MTUS1: variants seen among roughly 807,000 people sequenced by gnomAD.
MTUS1 encodes microtubule associated scaffold protein 1.
Under a neutral mutation model 120.8 loss-of-function variants are expected in MTUS1, and 109 were observed. The observed-to-expected ratio is 0.90, with a 90% CI of 0.77 to 1.06. The LOEUF (loss-of-function observed/expected upper bound fraction) is 1.06, where lower values mean the gene tolerates loss of function less well. MTUS1 is among the 50% of genes least tolerant of loss of function. MTUS1 has a pLI of 0.00. For synonymous variants in MTUS1, 737 were observed against 550.5 expected (o/e 1.34, Z -4.74); for missense variants, 2,210 against 1,486.3 (o/e 1.49, Z -8.01).
chr8:17,769,036 T>C (rs983873010), intron 1 of MTUS1, among the ~76,000 whole-genome samples: 4 of 152,112 alleles, frequency 2.6e-5, no homozygotes, highest in Non-Finnish European at 4.4e-5. Context: ...TAACTCACAC[T>C]ATGCAATTAA....
chr8:17,774,719 C>A (rs183758541), intron 1 of MTUS1, among the ~76,000 whole-genome samples: 2 of 152,158 alleles, frequency 1.3e-5, no homozygotes, highest in Non-Finnish European at 2.9e-5. Flanking sequence ...GCCATATGAT[C>A]AAGCATTCCA....
At chr8:17,655,670 G>T (rs1314188527) in intron 9 of MTUS1, among the ~76,000 whole-genome samples, 193 bp downstream of exon 9, 1 of 152,116 alleles carries the variant, frequency 6.6e-6, no homozygotes, top group Non-Finnish European at 1.5e-5. Context: ...GCTGCAGTGA[G>T]CCAAGATCAA....
At position 17,688,934 on chromosome 8, in the gene MTUS1, G is replaced by A. The variant is rs1196889850; in HGVS notation, c.2624-4392C>T. Among the ~76,000 whole-genome samples, 7 of 152,048 alleles carry A rather than the reference G, an allele frequency of 4.6e-5. No individual in the cohort carries two copies. In the South Asian group the frequency reaches 6.2e-4, roughly 14 times the overall value. On this transcript the variant is annotated intron_variant, in intron 6 of 14. Coordinates refer to ENST00000693296, the MANE Select transcript of MTUS1 (RefSeq NM_001363059.2). Reference sequence around the variant, plus strand: ...CATTTAGAATTACCCAAGCCAGGCCGGGTGCGGTGGCTCACACCTGTAATC... The same window carrying A: ...CATTTAGAATTACCCAAGCCAGGCCAGGTGCGGTGGCTCACACCTGTAATC...
intron 7 of MTUS1, among the ~76,000 whole-genome samples, chr8:17,677,324 C>G (rs1033308516): frequency 1.3e-5 from 2 of 152,072 alleles, no homozygotes; most frequent in African/African-American, 4.8e-5. Flanking sequence ...ACTCAAGTAA[C>G]AGGAAAAACA....
At chr8:17,725,624 C>T (rs2046177070) in intron 3 of MTUS1, among the ~76,000 whole-genome samples, 1 of 152,164 alleles carries the variant, frequency 6.6e-6, no homozygotes, top group Non-Finnish European at 1.5e-5. Flanking sequence ...CCTTCCAACT[C>T]CATCATGTTA....
chr8:17,657,072 A>AT lies in MTUS1; in HGVS notation c.2906-1008_2906-1007insA, dbSNP rs1236071877. The stretch of plus-strand genomic sequence containing the variant: ...AGATTCTGTCTCAAAAAAAAAAAAA[A>AT]AAAAAAAAAGAAACAAGTGGACCTT... On this transcript the variant is annotated intron_variant, in intron 8 of 14. Coordinates refer to ENST00000693296, the MANE Select transcript of MTUS1 (RefSeq NM_001363059.2). Among the ~76,000 whole-genome samples the AT allele has an allele frequency of 2.3e-3, 350 of 150,972 alleles. 2 individuals carry two copies. Among genetic ancestry groups the AT allele is most frequent in the African/African-American group, 8.2e-3 (339 of 41,280 alleles).
intron 1 of MTUS1, among the ~76,000 whole-genome samples, chr8:17,797,685 T>C (rs75131388): frequency 0.018 from 2,800 of 152,268 alleles, 70 homozygotes; most frequent in African/African-American, 0.064. Flanking sequence ...GCCTGCCTTC[T>C]TCCAGAGAAA....
At chr8:17,684,209 T>A in intron 7 of MTUS1, 119 bp downstream of exon 7, 1 of 724,212 alleles carries the variant, frequency 1.4e-6, no homozygotes. Flanking sequence ...ATGGGATGAA[T>A]GACACCTGAT....
chr8:17,701,600 T>TGCAGTGGCGTGATCTCGGC (rs1368297696), intron 6 of MTUS1, among the ~76,000 whole-genome samples: 1 of 152,036 alleles, frequency 6.6e-6, no homozygotes, highest in Non-Finnish European at 1.5e-5. Flanking sequence ...AAGGCTGGAG[T>TGCAGTGGCGTGATCTCGGC]GCAGTGGCGT....
intron 6 of MTUS1, among the ~76,000 whole-genome samples, chr8:17,709,492 G>A (rs547685255): frequency 1.6e-4 from 24 of 151,888 alleles, no homozygotes; most frequent in African/African-American, 4.8e-4. Flanking sequence ...CTCATTCTTC[G>A]CTCAGGACTG....
rs192293181 is a variant in MTUS1 at position 17,658,876 on chromosome 8, T to G, written c.2906-2811A>C. Among the ~76,000 whole-genome samples, 229 of 152,124 alleles carry G rather than the reference T, an allele frequency of 1.5e-3. 1 individual carries two copies. The highest frequency in any genetic ancestry group is 4.4e-3 in the African/African-American group (183 of 41,506). On this transcript the variant is annotated intron_variant, in intron 8 of 14. Transcript: ENST00000693296. ...TCTTTCAGAGGAAAAGGAGGCCACATTGAAATAATGGCAGGAATAGTGTCT... is the reference window on the plus strand; with the variant it reads ...TCTTTCAGAGGAAAAGGAGGCCACAGTGAAATAATGGCAGGAATAGTGTCT...
intron 12 of MTUS1, 25 bp from the exon 13 acceptor site, chr8:17,649,987 G>A: frequency 1.7e-6 from 2 of 1,148,106 alleles, no homozygotes; most frequent in Admixed American, 1.7e-5. Context: ...GCAAGATACT[G>A]CTCTTATTCC....
chr8:17,649,802 T>C (rs1806591039), intron 13 of MTUS1, 44 bp downstream of exon 13: 1 of 1,077,492 alleles, frequency 9.3e-7, no homozygotes. Context: ...TTCACACATA[T>C]TACCCCATTT....
chr8:17,690,994 TCATTACATTA>T (rs1816831732), intron 6 of MTUS1, among the ~76,000 whole-genome samples: 1 of 108,344 alleles, frequency 9.2e-6, no homozygotes, highest in South Asian at 3.3e-4. Flanking sequence ...ATAAAAAGCA[TCATTACATTA>T]ATTTATAGGG....
intron 3 of MTUS1, among the ~76,000 whole-genome samples, chr8:17,726,389 C>T (rs990627861): frequency 2.6e-5 from 4 of 152,192 alleles, no homozygotes; most frequent in Non-Finnish European, 5.9e-5. Context: ...TTTGCCTCCA[C>T]ATTCTTCTTG....
intron 5 of MTUS1, among the ~76,000 whole-genome samples, chr8:17,714,894 CTTTTTTTTTT>C (rs34479493): frequency 1.4e-3 from 79 of 55,192 alleles, no homozygotes; most frequent in East Asian, 1.4e-3. Context: ...ACAAATAATG[CTTTTTTTTTT>C]TTTTTTTTTT....
At chr8:17,756,679 C>CTTATGTAACCA (rs1554526183) in intron 1 of MTUS1, among the ~76,000 whole-genome samples, 1 of 123,454 alleles carries the variant, frequency 8.1e-6, no homozygotes, top group Admixed American at 9.0e-5. Context: ...AAACCCCCAC[C>CTTATGTAACCA]CCTTATGTAA....
chr8:17,786,202 C>A (rs1013063674), intron 1 of MTUS1, among the ~76,000 whole-genome samples: 1 of 152,052 alleles, frequency 6.6e-6, no homozygotes, highest in African/African-American at 2.4e-5. Flanking sequence ...GTATTCTGAC[C>A]CTTCTTGCAA....
At chr8:17,672,238 T>G (rs1283395575) in intron 8 of MTUS1, among the ~76,000 whole-genome samples, 1 of 152,242 alleles carries the variant, frequency 6.6e-6, no homozygotes, top group African/African-American at 2.4e-5. Flanking sequence ...GCTGTCAAGC[T>G]GCATACATCC....
Sources: allele counts gnomAD v4.1 joint callset (sites outside exome capture counted in the v4.1 genomes callset), GRCh38; gene constraint gnomAD v4.1.1; transcripts MANE v1.5; gene names NCBI Gene and HGNC (gene_info 2026-07-23, HGNC 2026-07-21).